CDKN2AIPNL: variants seen among roughly 807,000 people sequenced by gnomAD.
CDKN2AIPNL encodes CDKN2AIP N-terminal-like protein.
In CDKN2AIPNL, 9 loss-of-function variants were observed where a neutral mutation model predicts 12.9. The ratio of observed to expected loss-of-function variants is 0.70; its 90% confidence interval spans 0.42 to 1.22. The LOEUF is 1.22. CDKN2AIPNL is among the 50% of genes most tolerant of loss of function. CDKN2AIPNL has a pLI of 0.00. For missense variants in CDKN2AIPNL, 143 were observed against 153.6 expected (o/e 0.93, Z 0.37); for synonymous variants, 53 against 61.7 (o/e 0.86, Z 0.66).
rs1406860844 is a variant in CDKN2AIPNL, at chr5:134,411,837, C to A, written c.18G>T (p.Ala6=). ...AAACCAGCTCCTCCACTGCGGCAGCCGCCTCGCCACCGACCATGGTGCCCG... is the reference window on the plus strand; with the variant it reads ...AAACCAGCTCCTCCACTGCGGCAGCAGCCTCGCCACCGACCATGGTGCCCG... The part of the protein sequence containing the change: MVGGE[A]AAAVEELVSG... Residue 6 remains alanine, a synonymous_variant, in exon 1 of 3, where the codon GCG becomes GCT. Transcript: ENST00000458198. 1 of 1,569,864 alleles carries A rather than the reference C, an allele frequency of 6.4e-7. No homozygotes were observed. Among genetic ancestry groups the A allele is most frequent in the Non-Finnish European group, 8.6e-7 (1 of 1,158,474 alleles).
intron 2 of CDKN2AIPNL, among the ~76,000 whole-genome samples, chr5:134,407,424 A>G (rs1182808789): frequency 6.6e-6 from 1 of 152,150 alleles, no homozygotes; most frequent in Non-Finnish European, 1.5e-5. Context: ...AAGAGTTCAG[A>G]TACCTTTCAG....
At chr5:134,403,247 C>T (rs1759055827) in intron 2 of CDKN2AIPNL, among the ~76,000 whole-genome samples, 2 of 152,194 alleles carry the variant, frequency 1.3e-5, no homozygotes, top group South Asian at 2.1e-4. Context: ...AAAGCAGAGT[C>T]ACACAAACAC....
chr5:134,410,121 G>T, intron 1 of CDKN2AIPNL, 119 bp from the exon 2 acceptor site: 1 of 654,758 alleles, frequency 1.5e-6, no homozygotes, highest in Non-Finnish European at 2.7e-6. Flanking sequence ...TGATACTGCA[G>T]GGCAAACCTA....
At chr5:134,410,693 G>A (rs1405597865) in intron 1 of CDKN2AIPNL, 2 of 246,768 alleles carry the variant, frequency 8.1e-6, no homozygotes, top group Non-Finnish European at 1.6e-5. Flanking sequence ...GAAAAGGGAC[G>A]GGTGCCTCTG....
intron 2 of CDKN2AIPNL, among the ~76,000 whole-genome samples, chr5:134,404,381 T>C (rs1346983214): frequency 6.6e-6 from 1 of 152,164 alleles, no homozygotes; most frequent in African/African-American, 2.4e-5. Flanking sequence ...TGGAGTGCAG[T>C]GGTACGATCA....
At chr5:134,402,965 A>G in intron 2 of CDKN2AIPNL, 39 bp from the exon 3 acceptor site, 1 of 1,575,752 alleles carries the variant, frequency 6.3e-7, no homozygotes, top group Non-Finnish European at 8.6e-7. Context: ...ATAACCATGT[A>G]GTCCAGTGAA....
At chr5:134,409,869 C>G (rs1169399467) in intron 2 of CDKN2AIPNL, 34 bp downstream of exon 2, 2 of 1,383,142 alleles carry the variant, frequency 1.4e-6, no homozygotes, top group South Asian at 2.3e-5. Context: ...AACTCTACAC[C>G]ATTTCATCAC....
chr5:134,411,861 C>T lies in CDKN2AIPNL; in HGVS notation c.-7G>A. The T allele has an allele frequency of 1.3e-6, 2 of 1,560,076 alleles. No individual in the cohort carries two copies. Among genetic ancestry groups the T allele is most frequent in the Non-Finnish European group, 1.7e-6 (2 of 1,153,282 alleles). ...CCGCCTCGCCACCGACCATGGTGCC[C>T]GCCGCAGCCGAGGACCGGATAGCCC... On this transcript the variant is annotated 5_prime_UTR_variant, in exon 1 of 3. Coordinates refer to ENST00000458198, the MANE Select transcript of CDKN2AIPNL (RefSeq NM_080656.3).
At chr5:134,411,494 C>A (rs1237695540) in intron 1 of CDKN2AIPNL, 122 bp downstream of exon 1, 1 of 789,262 alleles carries the variant, frequency 1.3e-6, no homozygotes, top group Non-Finnish European at 2.1e-6. Flanking sequence ...CCGACCAATG[C>A]GGATGGAGGT....
In CDKN2AIPNL at chr5:134,402,816, C is replaced by G; in HGVS notation, c.*99G>C. 9.6e-7 allele frequency: 1 copy of G among 1,041,834 alleles called. No homozygotes were observed. Among genetic ancestry groups the G allele is most frequent in the East Asian group, 2.4e-5 (1 of 41,104 alleles). The allele number at this position is 1,041,834 out of a possible 1,614,324, so 64.5% of individuals were successfully genotyped here. On this transcript the variant is annotated 3_prime_UTR_variant, in exon 3 of 3. Coordinates refer to ENST00000458198, the MANE Select transcript of CDKN2AIPNL (RefSeq NM_080656.3). ...CACCTGCCTCTTTATGTTGGTAATA[C>G]CAGGAGTCTTAAGAGAGCTGCTGTG...
At position 134,411,810 on chromosome 5, in the gene CDKN2AIPNL, C is replaced by G. The variant is rs762834109; in HGVS notation, c.45G>C (p.Ser15=). Residue 15 remains serine (S), a synonymous_variant, in exon 1 of 3, where the codon TCG becomes TCC. Coordinates refer to ENST00000458198, the MANE Select transcript of CDKN2AIPNL (RefSeq NM_080656.3). ...EAAAAVEELV[S]GVRQAADFAE... ...CGAAGTCGGCCGCCTGCCGCACCCCCGAAACCAGCTCCTCCACTGCGGCAG... is the reference window on the plus strand; with the variant it reads ...CGAAGTCGGCCGCCTGCCGCACCCCGGAAACCAGCTCCTCCACTGCGGCAG... The G allele has an allele frequency of 5.6e-6, 9 of 1,600,960 alleles. No individual in the cohort carries two copies. Among genetic ancestry groups the G allele is most frequent in the Admixed American group, 3.4e-5 (2 of 58,672 alleles).
chr5:134,404,472 C>T (rs1759071799), intron 2 of CDKN2AIPNL, among the ~76,000 whole-genome samples: 1 of 152,042 alleles, frequency 6.6e-6, no homozygotes, highest in Admixed American at 6.6e-5. Flanking sequence ...CACAGGCATG[C>T]GCAACTATGC....
chr5:134,407,673 G>T (rs761751879), intron 2 of CDKN2AIPNL, among the ~76,000 whole-genome samples: 5 of 151,696 alleles, frequency 3.3e-5, no homozygotes, highest in Non-Finnish European at 7.4e-5. Flanking sequence ...TTCTTGGGAC[G>T]CTGAGGCAAG....
chr5:134,411,802 C>T lies in CDKN2AIPNL; in HGVS notation c.53G>A (p.Arg18Gln), dbSNP rs887699760. 4 of 1,601,456 alleles carry T rather than the reference C, an allele frequency of 2.5e-6. No individual in the cohort carries two copies. In the African/African-American group the frequency reaches 4.0e-5, roughly 16 times the overall value. The change falls in exon 1 of 3, where the codon CGG (arginine) becomes CAG (glutamine). Residue 18 changes from arginine (R) to glutamine (Q), a missense_variant. Arg to Gln is a conservative substitution (Grantham distance 43). This residue lies in a region of CDKN2AIPNL where 30 missense variants were observed against 25.2 expected (regional missense o/e 1.19). Transcript: ENST00000458198. ...AAVEELVSGVRQAADFAEQFR... is the reference protein window; with the variant it reads ...AAVEELVSGVQQAADFAEQFR... Reference sequence around the variant, plus strand: ...CTGCTCCGCGAAGTCGGCCGCCTGCCGCACCCCCGAAACCAGCTCCTCCAC... The same window carrying T: ...CTGCTCCGCGAAGTCGGCCGCCTGCTGCACCCCCGAAACCAGCTCCTCCAC...
chr5:134,410,753 A>T, intron 1 of CDKN2AIPNL: 2 of 489,284 alleles, frequency 4.1e-6, no homozygotes, highest in East Asian at 6.8e-5. Flanking sequence ...TGTGAAGCAA[A>T]ACCAAGTGGC....
At chr5:134,409,476 T>C (rs931147210) in intron 2 of CDKN2AIPNL, among the ~76,000 whole-genome samples, 2 of 152,152 alleles carry the variant, frequency 1.3e-5, no homozygotes, top group Non-Finnish European at 2.9e-5. Flanking sequence ...GCCATCGACA[T>C]TGCTCCAGGC....
intron 2 of CDKN2AIPNL, among the ~76,000 whole-genome samples, chr5:134,404,510 T>C (rs1284026205): frequency 6.6e-6 from 1 of 152,102 alleles, no homozygotes; most frequent in African/African-American, 2.4e-5. Flanking sequence ...TATTTTTTGT[T>C]GCAACAAAAG....
At chr5:134,408,081 AG>A (rs1759132205) in intron 2 of CDKN2AIPNL, among the ~76,000 whole-genome samples, 1 of 151,718 alleles carries the variant, frequency 6.6e-6, no homozygotes, top group Admixed American at 6.6e-5. Context: ...CAGTGAGCTG[AG>A]ATCGTGCCAC....
In CDKN2AIPNL at chr5:134,402,921, T is replaced by G. The variant is rs779742878; in HGVS notation, c.345A>C (p.Gln115His). The G allele has an allele frequency of 6.2e-7, 1 of 1,608,012 alleles. No homozygotes were observed. The highest frequency in any genetic ancestry group is 1.1e-5 in the South Asian group (1 of 90,842). The change falls in exon 3 of 3, where the codon CAA (glutamine) becomes CAC (histidine). Residue 115 changes from glutamine (Q) to histidine (H), a missense_variant. Around this residue, in one of 3 missense-constraint regions of CDKN2AIPNL, gnomAD observed 111 missense variants for 111.4 expected, o/e 1.00. Coordinates refer to ENST00000458198, the MANE Select transcript of CDKN2AIPNL (RefSeq NM_080656.3). ...ATGTGATAAATCTTCTGGCTTAGCT[T>G]TGATGCTGGGAAAAAAAGAAAAGAA... ...TTRSELMKKH[Q>H]S
Sources: allele counts gnomAD v4.1 joint callset (sites outside exome capture counted in the v4.1 genomes callset), GRCh38; gene constraint gnomAD v4.1.1; regional missense constraint gnomAD v4.1.1; transcripts MANE v1.5; gene names NCBI Gene and HGNC (gene_info 2026-07-23, HGNC 2026-07-21).